The following PIK3R4 variants were observed in gnomAD, a reference collection of about 807,000 sequenced individuals.
PIK3R4 encodes phosphoinositide-3-kinase regulatory subunit 4, also known as phosphoinositide 3-kinase regulatory subunit 4.
In PIK3R4, 46 loss-of-function variants were observed where a neutral mutation model predicts 136.5. The observed-to-expected ratio is 0.34, with a 90% CI of 0.27 to 0.43. The LOEUF (loss-of-function observed/expected upper bound fraction) is 0.43, where lower values mean the gene tolerates loss of function less well. PIK3R4 is among the 20% of genes least tolerant of loss of function. The pLI, the probability that PIK3R4 is intolerant of heterozygous loss-of-function variation, is 1.00. For synonymous variants in PIK3R4, 557 were observed against 566.7 expected (o/e 0.98, Z 0.24); for missense variants, 1,331 against 1,649.5 (o/e 0.81, Z 3.35).
At chr3:130,729,620 TC>T (rs2066751317) in intron 5 of PIK3R4, among the ~76,000 whole-genome samples, 3 of 152,138 alleles carry the variant, frequency 2.0e-5, no homozygotes, top group Admixed American at 2.0e-4. Flanking sequence ...TCAAAATTAT[TC>T]CACTGTATTC....
At chr3:130,695,174 T>TATA (rs2066539625) in intron 13 of PIK3R4, among the ~76,000 whole-genome samples, 1 of 152,164 alleles carries the variant, frequency 6.6e-6, no homozygotes, top group Non-Finnish European at 1.5e-5. Flanking sequence ...AGTTTACTAT[T>TATA]ATTTTGTGGT....
In PIK3R4 at chr3:130,680,684, C is replaced by T. The variant is rs1456609197; in HGVS notation, c.3835G>A (p.Val1279Ile). Residue 1279 changes from valine to isoleucine, a missense_variant, in exon 19 of 20, where the codon GTT becomes ATT. Physicochemically the swap from Val to Ile is conservative, Grantham distance 29. Around this residue, in one of 2 missense-constraint regions of PIK3R4, gnomAD observed 1,180 missense variants for 1,407.0 expected, o/e 0.84. Transcript: ENST00000356763. ...DLAYPERSYV[V>I]AGSTSSPSVS... ...GATGGGGAACTAGTACTTCCTGCAA[C>T]AACATAGGACCTTTCTGGGTAAGCC... is the stretch of plus-strand genomic sequence containing the variant. 6.8e-6 allele frequency: 11 copies of T among 1,612,794 alleles called. No individual in the cohort carries two copies.
chr3:130,708,317 G>C lies in PIK3R4; in HGVS notation c.2507C>G (p.Thr836Ser). The change falls in exon 10 of 20, where the codon ACC (threonine) becomes AGC (serine). Residue 836 changes from threonine to serine, a missense_variant. Coordinates refer to ENST00000356763, the MANE Select transcript of PIK3R4 (RefSeq NM_014602.3). ...ITGRQVDLVK[T>S]KQEPDDKRAR... ...CCGTTTGTCATCTGGTTCTTGTTTG[G>C]TTTTAACAAGATCAACTTGTCTCCC... 1 of 1,613,534 alleles carries C rather than the reference G, an allele frequency of 6.2e-7. No individual in the cohort carries two copies. The highest frequency in any genetic ancestry group is 8.5e-7 in the Non-Finnish European group (1 of 1,179,584).
intron 9 of PIK3R4, among the ~76,000 whole-genome samples, chr3:130,713,974 G>T (rs758858706): frequency 6.6e-6 from 1 of 151,962 alleles, no homozygotes; most frequent in Admixed American, 6.6e-5. Context: ...GCCGGGCCTG[G>T]GATGAAGGTT....
At chr3:130,682,918 A>G (rs962759512) in intron 16 of PIK3R4, among the ~76,000 whole-genome samples, 7 of 152,220 alleles carry the variant, frequency 4.6e-5, no homozygotes, top group African/African-American at 1.7e-4. Flanking sequence ...GAAGAAAAAA[A>G]TGGTCTTAAG....
intron 6 of PIK3R4, among the ~76,000 whole-genome samples, chr3:130,728,106 A>G (rs1240229568): frequency 2.0e-5 from 3 of 152,186 alleles, no homozygotes; most frequent in African/African-American, 4.8e-5. Context: ...ATAAACATAT[A>G]TGATTTCTGT....
intron 6 of PIK3R4, among the ~76,000 whole-genome samples, chr3:130,725,414 T>C (rs574003005): frequency 3.3e-5 from 5 of 151,934 alleles, no homozygotes; most frequent in Admixed American, 1.3e-4. Flanking sequence ...ATCAGTTACA[T>C]ATCTGAGAAG....
intron 13 of PIK3R4, among the ~76,000 whole-genome samples, chr3:130,693,549 G>A (rs1046614464): frequency 1.3e-5 from 2 of 152,104 alleles, no homozygotes; most frequent in Non-Finnish European, 2.9e-5. Flanking sequence ...TAGTGACTAA[G>A]AAGCATCTTT....
At chr3:130,703,929 C>T in intron 12 of PIK3R4, 41 bp from the exon 13 acceptor site, 9 of 1,343,378 alleles carry the variant, frequency 6.7e-6, no homozygotes, top group Non-Finnish European at 9.4e-6. Flanking sequence ...CTGTAGTTTA[C>T]AAATACAATG....
At chr3:130,734,487 A>G (rs2066775278) in intron 3 of PIK3R4, among the ~76,000 whole-genome samples, 1 of 152,238 alleles carries the variant, frequency 6.6e-6, no homozygotes, top group African/African-American at 2.4e-5. Flanking sequence ...ATGTATACAC[A>G]CAATTTTTGC....
intron 13 of PIK3R4, among the ~76,000 whole-genome samples, chr3:130,703,450 C>A (rs1405884426): frequency 1.3e-5 from 2 of 152,140 alleles, no homozygotes; most frequent in Non-Finnish European, 1.5e-5. Flanking sequence ...TAAAATTCTA[C>A]CCTACCCCAC....
At chr3:130,707,359 T>C (rs2107608662) in intron 10 of PIK3R4, among the ~76,000 whole-genome samples, 1 of 152,326 alleles carries the variant, frequency 6.6e-6, no homozygotes, top group East Asian at 1.9e-4. Context: ...ATGATGTTAA[T>C]AATAAGACCT....
intron 13 of PIK3R4, among the ~76,000 whole-genome samples, chr3:130,700,379 TCCA>T (rs1559822648): frequency 6.6e-6 from 1 of 152,090 alleles, no homozygotes; most frequent in Non-Finnish European, 1.5e-5. Context: ...ACCAAATGCA[TCCA>T]TCTCCCCTAA....
At position 130,746,778 on chromosome 3, in the gene PIK3R4, G is replaced by C. The variant is rs11549965; in HGVS notation, c.-507C>G. On this transcript the variant is annotated 5_prime_UTR_variant, in exon 1 of 20. Coordinates refer to ENST00000356763, the MANE Select transcript of PIK3R4 (RefSeq NM_014602.3). The stretch of plus-strand genomic sequence containing the variant: ...CCCAAGAAAACACTACACTTCAGCT[G>C]CTGCAGCCCCAGCAAACGCCGAACT... 6.6e-6 allele frequency: 1 copy of C among 152,316 alleles called. No individual in the cohort carries two copies. Among genetic ancestry groups the C allele is most frequent in the East Asian group, 1.9e-4 (1 of 5,192 alleles). The allele number at this position is 152,316 out of a possible 1,614,324, so 9.4% of individuals were successfully genotyped here. A position where few individuals can be genotyped will look rare whatever the true frequency, so the allele number is the denominator to read the frequency against.
At chr3:130,729,908 T>C (rs2066753050) in intron 5 of PIK3R4, among the ~76,000 whole-genome samples, 1 of 152,208 alleles carries the variant, frequency 6.6e-6, no homozygotes, top group South Asian at 2.1e-4. Flanking sequence ...TTTATGGTTT[T>C]TTGTAAATAA....
At chr3:130,744,171 G>A (rs751588448) in intron 2 of PIK3R4, among the ~76,000 whole-genome samples, 8 of 152,066 alleles carry the variant, frequency 5.3e-5, no homozygotes, top group African/African-American at 9.7e-5. Context: ...CAATATCCAC[G>A]GTCACTTTAA....
chr3:130,693,831 T>C (rs1269255930), intron 13 of PIK3R4, among the ~76,000 whole-genome samples: 2 of 152,192 alleles, frequency 1.3e-5, no homozygotes, highest in East Asian at 3.8e-4. Context: ...TTTCACGTAA[T>C]TTCTCAGAAA....
intron 11 of PIK3R4, 86 bp from the exon 12 acceptor site, chr3:130,705,857 A>G: frequency 1.4e-6 from 1 of 702,096 alleles, no homozygotes; most frequent in Non-Finnish European, 2.4e-6. Flanking sequence ...TTATCTATAA[A>G]TTATAACAGC....
chr3:130,717,603 A>T (rs2066672959), intron 8 of PIK3R4, among the ~76,000 whole-genome samples: 1 of 152,218 alleles, frequency 6.6e-6, no homozygotes, highest in African/African-American at 2.4e-5. Flanking sequence ...GAATCTATGA[A>T]GAAAAGAAGG....
Sources: allele counts gnomAD v4.1 joint callset (sites outside exome capture counted in the v4.1 genomes callset), GRCh38; gene constraint gnomAD v4.1.1; regional missense constraint gnomAD v4.1.1; transcripts MANE v1.5; gene names NCBI Gene and HGNC (gene_info 2026-07-23, HGNC 2026-07-21).